The following FAM221B variants were observed in gnomAD, a reference collection of about 807,000 sequenced individuals.
FAM221B encodes the protein family with sequence similarity 221 member B.
In FAM221B, 35 loss-of-function variants were observed where a neutral mutation model predicts 39.8. The ratio of observed to expected loss-of-function variants is 0.88; its 90% CI spans 0.67 to 1.17. FAM221B has a LOEUF of 1.17. Ranked by LOEUF, FAM221B falls within the 50% of genes most tolerant of loss-of-function variation. FAM221B has a pLI of 0.00. For missense variants in FAM221B, 479 were observed against 503.1 expected (o/e 0.95, Z 0.46); for synonymous variants, 158 against 178.1 (o/e 0.89, Z 0.90).
In FAM221B at chr9:35,819,114, T is replaced by C. The variant is rs1465888886; in HGVS notation, c.1051+83A>G. ...AGTGACCGCATGCCCAAGGCTCTCA[T>C]ACCTGCTCTCCATCATTATCCCCAG... On this transcript the variant is annotated intron_variant, in intron 5 of 6. Transcript: ENST00000423537. 7 of 1,534,480 alleles carry C rather than the reference T, an allele frequency of 4.6e-6. 1 individual carries two copies. In the East Asian group the frequency reaches 9.8e-5, roughly 22 times the overall value.
intron 3 of FAM221B, among the ~76,000 whole-genome samples, chr9:35,823,653 G>A (rs1014833384): frequency 1.5e-4 from 23 of 151,948 alleles, no homozygotes; most frequent in African/African-American, 5.3e-4. Flanking sequence ...CTGAGTAGGG[G>A]AATAAGAGGA....
At position 35,817,756 on chromosome 9, in the gene FAM221B, G is replaced by C. The variant is rs1159258899; in HGVS notation, c.*713C>G. The C allele has an allele frequency of 6.6e-6, 1 of 152,290 alleles. No homozygotes were observed. The highest frequency in any genetic ancestry group is 1.5e-5 in the Non-Finnish European group (1 of 68,156). The allele number at this position is 152,290 out of a possible 1,614,324, so 9.4% of individuals were successfully genotyped here. Reference sequence around the variant, plus strand: ...CAGGGCATATAGAAGCCATCAGAGGGGAACTTCCACAGGTTCTTGTTCCCT... The same window carrying C: ...CAGGGCATATAGAAGCCATCAGAGGCGAACTTCCACAGGTTCTTGTTCCCT... On this transcript the variant is annotated 3_prime_UTR_variant, in exon 7 of 7. Transcript: ENST00000423537.
At position 35,818,948 on chromosome 9, in the gene FAM221B, C is replaced by T; in HGVS notation, c.1113G>A (p.Glu371=). 3.9e-6 allele frequency: 6 copies of T among 1,551,814 alleles called. No individual in the cohort carries two copies. The highest frequency in any genetic ancestry group is 4.4e-6 in the Non-Finnish European group (5 of 1,147,036). ...GGGTGTCAAAGAAAGTCTCGTGTTC[C>T]TCCCAGCGCCGGTCACAGGCCGCAC... The part of the protein sequence containing the change: ...FLCAACDRRW[E]EHETFFDTQK... Residue 371 remains glutamate, a synonymous_variant, in exon 6 of 7, where the codon GAG becomes GAA. Transcript: ENST00000423537.
At chr9:35,819,066 G>C in intron 5 of FAM221B, 57 bp from the exon 6 acceptor site, 1 of 1,547,592 alleles carries the variant, frequency 6.5e-7, no homozygotes, top group Non-Finnish European at 8.7e-7. Flanking sequence ...CCCAGGAGCT[G>C]ACCACATTCT....
At chr9:35,818,817 T>C (rs1829070749) in intron 6 of FAM221B, 73 bp downstream of exon 6, 1 of 1,538,770 alleles carries the variant, frequency 6.5e-7, no homozygotes, top group South Asian at 1.2e-5. Flanking sequence ...TGGTTGAGGA[T>C]GGGAGTGCCT....
In FAM221B at chr9:35,828,595, T is replaced by C. The variant is rs1221862331; in HGVS notation, c.-133A>G. On this transcript the variant is annotated 5_prime_UTR_variant, in exon 1 of 7. Coordinates refer to ENST00000423537, the MANE Select transcript of FAM221B (RefSeq NM_001012446.4). This position sits in a 1 kb window ranked among gnomAD's most constrained non-coding sequence, Gnocchi z 4.5. ...GTGCCTCAGCTGCAGGTGCTGAGTG[T>C]TGAAATGCCTTGCCTGAAAGTCTGC... 4 of 985,316 alleles carry C rather than the reference T, an allele frequency of 4.1e-6. No homozygotes were observed. The highest frequency in any genetic ancestry group is 3.6e-6 in the Non-Finnish European group (3 of 829,956). The allele number at this position is 985,316 out of a possible 1,614,324, so 61.0% of individuals were successfully genotyped here. A position where few individuals can be genotyped will look rare whatever the true frequency, so the allele number is the denominator to read the frequency against.
chr9:35,828,648 C>G lies in FAM221B; in HGVS notation c.-186G>C. On this transcript the variant is annotated 5_prime_UTR_variant, in exon 1 of 7. Transcript: ENST00000423537. The surrounding 1 kb of genome is among the most constrained non-coding windows in gnomAD (Gnocchi z 4.5). ...TCTGGGAAGGGGACTTGGATATCTG[C>G]AGAACTTCGCAAAGGAGCTCTGGCA... is the stretch of plus-strand genomic sequence containing the variant. The G allele has an allele frequency of 1.0e-6, 1 of 985,520 alleles. No homozygotes were observed. Among genetic ancestry groups the G allele is most frequent in the Non-Finnish European group, 1.2e-6 (1 of 830,016 alleles). 61.0% of individuals were successfully genotyped at this position (985,520 alleles called of 1,614,324 possible).
At position 35,825,866 on chromosome 9, in the gene FAM221B, G is replaced by A; in HGVS notation, c.296C>T (p.Ser99Leu). ...TYEASLDSPI[S>L]VVPEKHLTLP... ...AGTAAGGTGTTTCTCTGGCACCACTGAGATGGGACTATCCAATGAAGCCTC... is the reference window on the plus strand; with the variant it reads ...AGTAAGGTGTTTCTCTGGCACCACTAAGATGGGACTATCCAATGAAGCCTC... The change falls in exon 2 of 7, where the codon TCA becomes TTA. Residue 99 changes from serine to leucine, a missense_variant. By Grantham distance (145) the Ser-to-Leu change is moderately radical. Coordinates refer to ENST00000423537, the MANE Select transcript of FAM221B (RefSeq NM_001012446.4). The surrounding 1 kb of genome is among the most constrained non-coding windows in gnomAD (Gnocchi z 4.2). 6.2e-7 allele frequency: 1 copy of A among 1,614,170 alleles called. No individual in the cohort carries two copies. The highest frequency in any genetic ancestry group is 8.5e-7 in the Non-Finnish European group (1 of 1,180,030).
rs2132164823 is a variant in FAM221B at position 35,828,328 on chromosome 9, C to CT, written c.-1+134_-1+135insA. ...ACAACAACAACAACAACAACAACAA[C>CT]AACAACTACTACTACTACTACTACT... On this transcript the variant is annotated intron_variant, in intron 1 of 6. Coordinates refer to ENST00000423537, the MANE Select transcript of FAM221B (RefSeq NM_001012446.4). This position sits in a 1 kb window ranked among gnomAD's most constrained non-coding sequence, Gnocchi z 4.5. The CT allele has an allele frequency of 2.1e-5, 3 of 140,754 alleles. No homozygotes were observed. The highest frequency in any genetic ancestry group is 2.3e-4 in the South Asian group (1 of 4,282). 8.7% of individuals were successfully genotyped at this position (140,754 alleles called of 1,614,324 possible).
rs759172874 is a variant in FAM221B, at chr9:35,825,237, G to C, written c.735C>G (p.Ile245Met). ...QWEKDAALNA[I>M]QTGLYIGWRC... is the part of the protein sequence containing the mutation. ...AAGGCCACATGGGCTCACCTGTCTG[G>C]ATGGCATTCAGGGCTGCATCCTTCT... The change falls in exon 3 of 7, where the codon ATC (isoleucine) becomes ATG (methionine). Residue 245 changes from isoleucine to methionine, a missense_variant. Transcript: ENST00000423537. This position sits in a 1 kb window ranked among gnomAD's most constrained non-coding sequence, Gnocchi z 4.2. The C allele has an allele frequency of 6.2e-7, 1 of 1,614,226 alleles. No homozygotes were observed. The highest frequency in any genetic ancestry group is 1.1e-5 in the South Asian group (1 of 91,088).
At position 35,826,134 on chromosome 9, in the gene FAM221B, G is replaced by A. The variant is rs530156720; in HGVS notation, c.28C>T (p.Pro10Ser). The A allele has an allele frequency of 2.7e-5, 43 of 1,600,922 alleles. 1 individual carries two copies. In the South Asian group the frequency reaches 4.5e-4, roughly 17 times the overall value. ...TTCTCTGCATCCATGGTGATATGAG[G>A]CTCTTCTATGATCTCATGTGCTTCC... The part of the protein sequence containing the change: MEAHEIIEE[P>S]HITMDAEKHP... The change falls in exon 2 of 7, where the codon CCT becomes TCT. Residue 10 changes from proline to serine, a missense_variant. Coordinates refer to ENST00000423537, the MANE Select transcript of FAM221B (RefSeq NM_001012446.4).
Position 35,818,929 on chromosome 9 carries a change from CAAAG to C in FAM221B, c.1128_1131del (p.Phe376LeufsTer34), listed in dbSNP as rs1446420834. The C allele has an allele frequency of 1.9e-6, 3 of 1,551,900 alleles. No individual in the cohort carries two copies. The highest frequency in any genetic ancestry group is 2.6e-6 in the Non-Finnish European group (3 of 1,147,056). On this transcript the variant is annotated frameshift_variant, in exon 6 of 7. Transcript: ENST00000423537. LOFTEE classifies it high-confidence loss of function. ...CCTCGTTGCCGGGTCTTCTGGGTGTCAAAGAAAGTCTCGTGTTCCTCCCAGCGCC... is the reference window on the plus strand; with the variant it reads ...CCTCGTTGCCGGGTCTTCTGGGTGTCAAAGTCTCGTGTTCCTCCCAGCGCC...
At chr9:35,826,429 A>G (rs1829365140) in intron 1 of FAM221B, among the ~76,000 whole-genome samples, 1 of 152,188 alleles carries the variant, frequency 6.6e-6, no homozygotes, top group Admixed American at 6.5e-5. Context: ...TTCGAATCCC[A>G]TCAGTAGATG....
At position 35,817,501 on chromosome 9, in the gene FAM221B, C is replaced by T. The variant is rs1173190080; in HGVS notation, c.*968G>A. 2 of 152,266 alleles carry T rather than the reference C, an allele frequency of 1.3e-5. No individual in the cohort carries two copies. The allele number at this position is 152,266 out of a possible 1,614,324, so 9.4% of individuals were successfully genotyped here. A position where few individuals can be genotyped will look rare whatever the true frequency, so the allele number is the denominator to read the frequency against. Reference sequence around the variant, plus strand: ...CTTTTGCTTAGTTTTCCTGATCTTCCTCCCTGACACCCTCACATCATCAAC... The same window carrying T: ...CTTTTGCTTAGTTTTCCTGATCTTCTTCCCTGACACCCTCACATCATCAAC... On this transcript the variant is annotated 3_prime_UTR_variant, in exon 7 of 7. Transcript: ENST00000423537.
At position 35,819,901 on chromosome 9, in the gene FAM221B, C is replaced by G. The variant is rs752018152; in HGVS notation, c.842G>C (p.Arg281Pro). The G allele has an allele frequency of 6.2e-7, 1 of 1,604,228 alleles. No homozygotes were observed. Among genetic ancestry groups the G allele is most frequent in the South Asian group, 1.1e-5 (1 of 90,884 alleles). Residue 281 changes from arginine to proline, a missense_variant, in exon 4 of 7, where the codon CGG becomes CCG. By Grantham distance (103) the Arg-to-Pro change is moderately radical. Transcript: ENST00000423537. ...CFCGHLLREH[R>P]IISDISVPCK... ...CAGTTCTCCCCTACCTGAGATGATC[C>G]GGTGCTCTCTCAACAAGTGTCCACA...
In FAM221B at chr9:35,818,402, T is replaced by C; in HGVS notation, c.*67A>G. The C allele has an allele frequency of 7.0e-7, 1 of 1,436,702 alleles. No individual in the cohort carries two copies. The highest frequency in any genetic ancestry group is 9.6e-7 in the Non-Finnish European group (1 of 1,042,408). 89.0% of individuals were successfully genotyped at this position (1,436,702 alleles called of 1,614,324 possible). A position where few individuals can be genotyped will look rare whatever the true frequency, so the allele number is the denominator to read the frequency against. On this transcript the variant is annotated 3_prime_UTR_variant, in exon 7 of 7. Transcript: ENST00000423537. ...GGCAGTCTCTCCCTGGGCTGGGATC[T>C]ACCTGCCCCATATAGAGCCAAGTCA... is the stretch of plus-strand genomic sequence containing the variant.
In FAM221B at chr9:35,828,106, A is replaced by G. The variant is rs1362324439; in HGVS notation, c.-1+357T>C. Reference sequence around the variant, plus strand: ...CAGGAGTTCGAGACCAGCCTGGCCAACATGGTGAAACCCAGTCTCTACTAA... The same window carrying G: ...CAGGAGTTCGAGACCAGCCTGGCCAGCATGGTGAAACCCAGTCTCTACTAA... On this transcript the variant is annotated intron_variant, in intron 1 of 6. Coordinates refer to ENST00000423537, the MANE Select transcript of FAM221B (RefSeq NM_001012446.4). This position sits in a 1 kb window ranked among gnomAD's most constrained non-coding sequence, Gnocchi z 4.5. Among the ~76,000 whole-genome samples the G allele has an allele frequency of 6.6e-6, 1 of 152,164 alleles. No homozygotes were observed. Among genetic ancestry groups the G allele is most frequent in the East Asian group, 1.9e-4 (1 of 5,198 alleles).
chr9:35,818,599 G>A (rs1371142363), intron 6 of FAM221B, 93 bp from the exon 7 acceptor site: 4 of 1,309,460 alleles, frequency 3.1e-6, no homozygotes, highest in African/African-American at 2.9e-5. Context: ...AGCCCCGGGG[G>A]ACTAGGGTGG....
At chr9:35,823,661 G>A (rs1829202420) in intron 3 of FAM221B, among the ~76,000 whole-genome samples, 1 of 152,046 alleles carries the variant, frequency 6.6e-6, no homozygotes, top group African/African-American at 2.4e-5. Context: ...GGGAATAAGA[G>A]GACTGAACAC....
Sources: gnomAD v4.1 joint callset for allele counts (sites outside exome capture counted in the v4.1 genomes callset) on GRCh38, gnomAD v4.1.1 for gene constraint, Gnocchi (gnomAD v3.1) non-coding constraint, MANE v1.5 for transcripts, NCBI Gene and HGNC (gene_info 2026-07-23, HGNC 2026-07-21) for gene names.